The following HABP2 variants were observed in gnomAD, a reference collection of about 807,000 sequenced individuals.
HABP2 encodes hyaluronan binding protein 2, also known as factor VII-activating protease.
A neutral mutation model predicts 66.5 loss-of-function variants in HABP2; 65 were observed. The observed-to-expected ratio is 0.98, with a 90% CI of 0.80 to 1.20. The LOEUF is 1.20. Among genes scored for constraint, HABP2 ranks in the 50% most tolerant of loss-of-function variants. The pLI is 0.00. For synonymous variants in HABP2, 263 were observed against 253.9 expected (o/e 1.04, Z -0.34); for missense variants, 786 against 691.0 (o/e 1.14, Z -1.54).
Position 113,553,071 on chromosome 10 carries a change from C to T in HABP2, c.-51C>T, listed in dbSNP as rs749533072. On this transcript the variant is annotated 5_prime_UTR_variant, in exon 1 of 13. Transcript: ENST00000351270. ...CATTTTTCCCCCCTAAAGGCATAGACAACAAAAGAAATTTTATTGAGAGGA... is the reference window on the plus strand; with the variant it reads ...CATTTTTCCCCCCTAAAGGCATAGATAACAAAAGAAATTTTATTGAGAGGA... 1.4e-6 allele frequency: 2 copies of T among 1,426,330 alleles called. No homozygotes were observed. The highest frequency in any genetic ancestry group is 3.4e-5 in the Admixed American group (2 of 59,498). 88.4% of individuals were successfully genotyped at this position (1,426,330 alleles called of 1,614,324 possible).
chr10:113,563,045 C>G (rs1845128620), intron 1 of HABP2, among the ~76,000 whole-genome samples: 1 of 152,116 alleles, frequency 6.6e-6, no homozygotes, highest in Non-Finnish European at 1.5e-5. Context: ...AATCATAATA[C>G]CTAAATTATG....
chr10:113,588,543 C>T lies in HABP2; in HGVS notation c.*174C>T. 1.8e-6 allele frequency: 1 copy of T among 557,434 alleles called. No individual in the cohort carries two copies. Among genetic ancestry groups the T allele is most frequent in the Non-Finnish European group, 3.1e-6 (1 of 317,922 alleles). The allele number at this position is 557,434 out of a possible 1,614,324, so 34.5% of individuals were successfully genotyped here. ...GGGCCTTCCCAGACCAGCATTTGCACAATATCACCAGGCTTCTTCTGCCTC... is the reference window on the plus strand; with the variant it reads ...GGGCCTTCCCAGACCAGCATTTGCATAATATCACCAGGCTTCTTCTGCCTC... On this transcript the variant is annotated 3_prime_UTR_variant, in exon 13 of 13. Coordinates refer to ENST00000351270, the MANE Select transcript of HABP2 (RefSeq NM_004132.5).
rs756988691 is a variant in HABP2, at chr10:113,589,061, C to T, written c.*692C>T. 4 of 1,613,992 alleles carry T rather than the reference C, an allele frequency of 2.5e-6. No individual in the cohort carries two copies. Among genetic ancestry groups the T allele is most frequent in the Non-Finnish European group, 3.4e-6 (4 of 1,179,960 alleles). On this transcript the variant is annotated 3_prime_UTR_variant, in exon 13 of 13. Coordinates refer to ENST00000351270, the MANE Select transcript of HABP2 (RefSeq NM_004132.5). Reference sequence around the variant, plus strand: ...TCCCCACTCTGATGATCTCCAGCCTCCACTGCTTCTGCCCCCCGCTGCTGA... The same window carrying T: ...TCCCCACTCTGATGATCTCCAGCCTTCACTGCTTCTGCCCCCCGCTGCTGA...
At chr10:113,564,159 A>G (rs11575646) in intron 1 of HABP2, among the ~76,000 whole-genome samples, 49,489 of 152,056 alleles carry the variant, frequency 0.33, 9,374 homozygotes, top group East Asian at 0.52. Flanking sequence ...AAAACAGTGT[A>G]TGCAGGGGAA....
At chr10:113,569,301 C>T (rs1186016373) in intron 2 of HABP2, among the ~76,000 whole-genome samples, 2 of 152,322 alleles carry the variant, frequency 1.3e-5, no homozygotes, top group Middle Eastern at 3.4e-3. Context: ...GAGTCCATCT[C>T]GAGGTGTCAT....
chr10:113,554,695 A>G lies in HABP2; in HGVS notation c.69+1505A>G, dbSNP rs531338696. On this transcript the variant is annotated intron_variant, in intron 1 of 12. Coordinates refer to ENST00000351270, the MANE Select transcript of HABP2 (RefSeq NM_004132.5). ...CCAGAGAACATACCAGTCGGAAAGA[A>G]TTAGATCCTAAACTTTGCGGGCAAG... is the stretch of plus-strand genomic sequence containing the variant. 5.3e-5 allele frequency among the ~76,000 whole-genome samples: 8 copies of G among 152,352 alleles called. 1 individual carries two copies. In the East Asian group the frequency reaches 1.5e-3, roughly 29 times the overall value.
rs1845440742 is a variant in HABP2, at chr10:113,577,873, A to G, written c.449-153A>G. Among the ~76,000 whole-genome samples the G allele has an allele frequency of 2.6e-5, 4 of 152,202 alleles. No homozygotes were observed. In the South Asian group the frequency reaches 8.3e-4, roughly 31 times the overall value. ...CTTAAGGCTTCTGTGTACACTTACT[A>G]GAGTGTCAGTGGATCTGTCTTTCCC... On this transcript the variant is annotated intron_variant, in intron 5 of 12. Coordinates refer to ENST00000351270, the MANE Select transcript of HABP2 (RefSeq NM_004132.5).
intron 10 of HABP2, 106 bp from the exon 11 acceptor site, chr10:113,584,042 G>A (rs1055598795): frequency 4.7e-6 from 4 of 846,518 alleles, no homozygotes; most frequent in Non-Finnish European, 7.7e-6. Context: ...GCATGGTGGG[G>A]GCAGGTGGGG....
intron 1 of HABP2, among the ~76,000 whole-genome samples, chr10:113,562,803 C>G (rs1845124378): frequency 1.3e-5 from 2 of 152,228 alleles, no homozygotes. Context: ...TTGAACCTAG[C>G]TCAACACCTG....
intron 2 of HABP2, among the ~76,000 whole-genome samples, chr10:113,573,002 A>T (rs1740693492): frequency 6.6e-6 from 1 of 152,250 alleles, no homozygotes; most frequent in Admixed American, 6.5e-5. Flanking sequence ...AATGTGGTTG[A>T]TAATCAGGCT....
intron 1 of HABP2, among the ~76,000 whole-genome samples, chr10:113,561,324 G>A (rs1845096649): frequency 6.6e-6 from 1 of 152,106 alleles, no homozygotes; most frequent in African/African-American, 2.4e-5. Flanking sequence ...GGGAGGATTT[G>A]GCCTGGGCAC....
chr10:113,553,934 C>A (rs756187114), intron 1 of HABP2, among the ~76,000 whole-genome samples: 34 of 152,146 alleles, frequency 2.2e-4, no homozygotes, highest in African/African-American at 7.5e-4. Flanking sequence ...GGAAAGAGGA[C>A]CTTGCACAGA....
Position 113,584,169 on chromosome 10 carries a change from T to A in HABP2, c.1259T>A (p.Val420Glu). The A allele has an allele frequency of 6.2e-7, 1 of 1,613,860 alleles. No individual in the cohort carries two copies. The highest frequency in any genetic ancestry group is 8.5e-7 in the Non-Finnish European group (1 of 1,179,730). ...CTAGCATTGCTCAAGTTAAAGCCAG[T>A]GGATGGTCACTGTGCTCTAGAATCC... is the stretch of plus-strand genomic sequence containing the variant. ...NDIALLKLKPVDGHCALESKY... is the reference protein window; with the variant it reads ...NDIALLKLKPEDGHCALESKY... Residue 420 changes from valine to glutamate, a missense_variant, in exon 11 of 13, where the codon GTG becomes GAG. Physicochemically the swap from Val to Glu is moderately radical, Grantham distance 121. Transcript: ENST00000351270.
chr10:113,560,797 C>CA (rs1271737240), intron 1 of HABP2, among the ~76,000 whole-genome samples: 1 of 152,198 alleles, frequency 6.6e-6, no homozygotes, highest in African/African-American at 2.4e-5. Context: ...ATTCCGCTTC[C>CA]ATGAGATACT....
chr10:113,572,943 A>C (rs1204940625), intron 2 of HABP2, among the ~76,000 whole-genome samples: 1 of 152,236 alleles, frequency 6.6e-6, no homozygotes, highest in Non-Finnish European at 1.5e-5. Context: ...ATTTTTCAAA[A>C]GCCAGAGAGA....
At chr10:113,586,314 G>T (rs1477095516) in intron 12 of HABP2, among the ~76,000 whole-genome samples, 3 of 152,208 alleles carry the variant, frequency 2.0e-5, no homozygotes, top group African/African-American at 7.2e-5. Context: ...CACCAAAGGG[G>T]CTTGTGGCCT....
At chr10:113,561,611 C>A (rs554734042) in intron 1 of HABP2, among the ~76,000 whole-genome samples, 2 of 152,170 alleles carry the variant, frequency 1.3e-5, no homozygotes, top group South Asian at 4.2e-4. Flanking sequence ...GAGTCCCAAC[C>A]TTTTATCCAG....
At chr10:113,553,591 TG>T (rs1364787201) in intron 1 of HABP2, among the ~76,000 whole-genome samples, 3 of 152,242 alleles carry the variant, frequency 2.0e-5, no homozygotes, top group Non-Finnish European at 2.9e-5. Flanking sequence ...CAGCGATTTG[TG>T]GCTGACACTA....
rs571491046 is a variant in HABP2 at position 113,564,825 on chromosome 10, A to T, written c.70-2664A>T. Among the ~76,000 whole-genome samples, 126 of 124,864 alleles carry T rather than the reference A, an allele frequency of 1.0e-3. 1 individual carries two copies. Among genetic ancestry groups the T allele is most frequent in the African/African-American group, 4.2e-3 (124 of 29,322 alleles). The allele number at this position is 124,864 out of a possible 152,430, so 81.9% of individuals were successfully genotyped here. On this transcript the variant is annotated intron_variant, in intron 1 of 12. Transcript: ENST00000351270. The stretch of plus-strand genomic sequence containing the variant: ...CATTTGCAAGTAAATTGTAGACATC[A>T]CTCTACCTCACCACGCATCTCTCTC...
Sources: allele counts gnomAD v4.1 joint callset (sites outside exome capture counted in the v4.1 genomes callset), GRCh38; gene constraint gnomAD v4.1.1; transcripts MANE v1.5; gene names NCBI Gene and HGNC (gene_info 2026-07-23, HGNC 2026-07-21).